Variants in PTPRD observed in about 807,000 individuals in gnomAD.
PTPRD encodes the protein receptor-type tyrosine-protein phosphatase delta.
In PTPRD, 34 loss-of-function variants were observed where a neutral mutation model predicts 214.5. The ratio of observed to expected loss-of-function variants is 0.16; its 90% CI spans 0.12 to 0.21. The LOEUF (loss-of-function observed/expected upper bound fraction) is 0.21. Ranked by LOEUF, PTPRD falls within the 10% of genes least tolerant of loss-of-function variation. The probability of loss-of-function intolerance (pLI) is 1.00; values close to 1 mark genes in which losing one functional copy is unlikely to be tolerated. For synonymous variants in PTPRD, 1,128 were observed against 845.7 expected (o/e 1.33, Z -5.79); for missense variants, 2,545 against 2,398.7 (o/e 1.06, Z -1.27).
Position 8,752,172 on chromosome 9 carries a change from G to A in PTPRD, c.-103-18226C>T, listed in dbSNP as rs769877803. On this transcript the variant is annotated intron_variant, in intron 11 of 45. Coordinates refer to ENST00000381196, the MANE Select transcript of PTPRD (RefSeq NM_002839.4). Reference sequence around the variant, plus strand: ...CTGGGCTGCATTCTCAGACGGTTAGGGCATTCTAAGTCACAGGATGAGATA... The same window carrying A: ...CTGGGCTGCATTCTCAGACGGTTAGAGCATTCTAAGTCACAGGATGAGATA... Among the ~76,000 whole-genome samples, 4 of 152,240 alleles carry A rather than the reference G, an allele frequency of 2.6e-5. No homozygotes were observed. The South Asian group carries it at 8.3e-4, about 32-fold the overall frequency.
intron 11 of PTPRD, among the ~76,000 whole-genome samples, chr9:8,934,448 AATTTAT>A (rs2098977559): frequency 6.8e-5 from 1 of 14,612 alleles, no homozygotes; most frequent in Admixed American, 9.5e-4. Flanking sequence ...TATATATATA[AATTTAT>A]ATATATATAA....
At position 8,949,706 on chromosome 9, in the gene PTPRD, T is replaced by G. The variant is rs146409633; in HGVS notation, c.-104+68991A>C. ...GTTCTTAATATTCTTTATTTAATAA[T>G]TCAACTGCTACTGAAAATATTTTGT... On this transcript the variant is annotated intron_variant, in intron 11 of 45. Coordinates refer to ENST00000381196, the MANE Select transcript of PTPRD (RefSeq NM_002839.4). 3.2e-4 allele frequency among the ~76,000 whole-genome samples: 49 copies of G among 152,308 alleles called. 1 individual carries two copies. Among genetic ancestry groups the G allele is most frequent in the African/African-American group, 1.1e-3 (47 of 41,568 alleles).
intron 14 of PTPRD, among the ~76,000 whole-genome samples, chr9:8,539,148 T>A (rs1344111939): frequency 6.6e-6 from 1 of 151,904 alleles, no homozygotes; most frequent in Non-Finnish European, 1.5e-5. Context: ...CTGAATAAAA[T>A]AAAGACATGC....
chr9:10,055,598 G>C (rs1274182777), intron 3 of PTPRD, among the ~76,000 whole-genome samples: 1 of 151,784 alleles, frequency 6.6e-6, no homozygotes, highest in African/African-American at 2.4e-5. Context: ...TGATATATGG[G>C]GGCAATTATC....
intron 2 of PTPRD, among the ~76,000 whole-genome samples, chr9:10,371,990 C>A (rs889426167): frequency 6.6e-6 from 1 of 151,992 alleles, no homozygotes; most frequent in Non-Finnish European, 1.5e-5. Flanking sequence ...TAATGGCTAA[C>A]AGCTATTTAT....
intron 14 of PTPRD, among the ~76,000 whole-genome samples, chr9:8,598,230 T>A (rs986664450): frequency 1.1e-4 from 16 of 152,118 alleles, no homozygotes; most frequent in African/African-American, 3.4e-4. Context: ...GGAGGGCAGA[T>A]CACCTGAGGT....
At chr9:8,636,666 T>C in intron 13 of PTPRD, 33 bp downstream of exon 13, 1 of 1,609,002 alleles carries the variant, frequency 6.2e-7, no homozygotes, top group Middle Eastern at 1.7e-4. Flanking sequence ...GATACATTCT[T>C]CCCCCAGAGA....
At chr9:8,859,108 G>C (rs1174792368) in intron 11 of PTPRD, among the ~76,000 whole-genome samples, 4 of 152,230 alleles carry the variant, frequency 2.6e-5, no homozygotes, top group Admixed American at 1.3e-4. Flanking sequence ...GCCTCCTTCG[G>C]GGATGCTTGT....
chr9:9,431,804 C>A (rs1013513347), intron 8 of PTPRD, among the ~76,000 whole-genome samples: 3 of 147,554 alleles, frequency 2.0e-5, no homozygotes, highest in African/African-American at 7.5e-5. Flanking sequence ...ATCACAAGGA[C>A]AGAAAACCAT....
rs1329167299 is a variant in PTPRD, at chr9:9,921,357, TATTA to T, written c.-368+17146_-368+17149del. On this transcript the variant is annotated intron_variant, in intron 5 of 45. Transcript: ENST00000381196. ...AATCTCTTTTTGTAAGGTTATATAA[TATTA>T]ATTAAGAATGTGTCCTTAATTCATT... Among the ~76,000 whole-genome samples, 7 of 152,228 alleles carry T rather than the reference TATTA, an allele frequency of 4.6e-5. No homozygotes were observed. The South Asian group carries it at 1.2e-3, about 27-fold the overall frequency.
At chr9:9,052,399 C>T (rs2154395446) in intron 10 of PTPRD, among the ~76,000 whole-genome samples, 1 of 152,040 alleles carries the variant, frequency 6.6e-6, no homozygotes. Context: ...TATCTGTGAC[C>T]CTAATAGTAG....
chr9:10,272,144 T>C (rs557180727), intron 3 of PTPRD, among the ~76,000 whole-genome samples: 156 of 152,308 alleles, frequency 1.0e-3, no homozygotes, highest in African/African-American at 3.6e-3. Context: ...GCTTTCTCTA[T>C]GTATCTCTCT....
At chr9:9,603,476 G>A (rs957860304) in intron 7 of PTPRD, among the ~76,000 whole-genome samples, 4 of 152,150 alleles carry the variant, frequency 2.6e-5, no homozygotes, top group African/African-American at 9.7e-5. Context: ...TAAGGACACA[G>A]ACTTGAACCA....
At chr9:9,385,776 T>C (rs915392881) in intron 9 of PTPRD, among the ~76,000 whole-genome samples, 6 of 152,174 alleles carry the variant, frequency 3.9e-5, no homozygotes, top group Non-Finnish European at 8.8e-5. Context: ...GGGGTGAATG[T>C]CACTTTTAAA....
intron 5 of PTPRD, among the ~76,000 whole-genome samples, chr9:9,787,301 C>A (rs1197441049): frequency 1.3e-5 from 2 of 151,390 alleles, no homozygotes; most frequent in Non-Finnish European, 2.9e-5. Context: ...TGCTACCTCA[C>A]CAAGCTCAAA....
At chr9:8,625,627 T>C (rs1313149707) in intron 14 of PTPRD, among the ~76,000 whole-genome samples, 1 of 151,608 alleles carries the variant, frequency 6.6e-6, no homozygotes, top group East Asian at 1.9e-4. Context: ...GAGAAAAATC[T>C]CAATAGTGCT....
intron 2 of PTPRD, among the ~76,000 whole-genome samples, chr9:10,478,751 T>C (rs539097840): frequency 1.4e-3 from 218 of 151,530 alleles, no homozygotes; most frequent in African/African-American, 5.0e-3. Flanking sequence ...TAAATATATA[T>C]ATATTCACTC....
intron 2 of PTPRD, among the ~76,000 whole-genome samples, chr9:10,350,888 T>C (rs541644787): frequency 8.5e-5 from 13 of 152,096 alleles, no homozygotes; most frequent in African/African-American, 2.9e-4. Context: ...GTTTACAGGA[T>C]AGGTGGAAAG....
At chr9:9,972,289 A>G (rs2095147896) in intron 4 of PTPRD, among the ~76,000 whole-genome samples, 1 of 152,186 alleles carries the variant, frequency 6.6e-6, no homozygotes, top group Non-Finnish European at 1.5e-5. Context: ...CCTCTGTTCC[A>G]GAGTGAAAAC....
Sources: gnomAD v4.1 joint callset for allele counts (sites outside exome capture counted in the v4.1 genomes callset) on GRCh38, gnomAD v4.1.1 for gene constraint, MANE v1.5 for transcripts, NCBI Gene and HGNC (gene_info 2026-07-23, HGNC 2026-07-21) for gene names.